TOGARAM1: variants seen among roughly 807,000 people sequenced by gnomAD.
TOGARAM1 encodes TOG array regulator of axonemal microtubules 1, also known as TOG array regulator of axonemal microtubules protein 1.
In TOGARAM1, 100 loss-of-function variants were observed where a neutral mutation model predicts 166.6. The observed-to-expected ratio is 0.60, with a 90% CI of 0.51 to 0.71. The LOEUF (loss-of-function observed/expected upper bound fraction) is 0.71, where lower values mean the gene tolerates loss of function less well. Among genes scored for constraint, TOGARAM1 ranks in the 30% least tolerant of loss-of-function variants. The pLI is 0.00. For missense variants in TOGARAM1, 2,029 were observed against 2,102.7 expected (o/e 0.96, Z 0.69); for synonymous variants, 758 against 763.8 (o/e 0.99, Z 0.13).
At chr14:45,003,584 A>T (rs1000198348) in intron 3 of TOGARAM1, among the ~76,000 whole-genome samples, 2 of 152,118 alleles carry the variant, frequency 1.3e-5, no homozygotes, top group African/African-American at 4.8e-5. Flanking sequence ...ATACATCAAG[A>T]TAGGTTGAGA....
At chr14:45,042,585 A>T (rs1330642828) in intron 11 of TOGARAM1, among the ~76,000 whole-genome samples, 1 of 152,172 alleles carries the variant, frequency 6.6e-6, no homozygotes, top group African/African-American at 2.4e-5. Flanking sequence ...TTATAATTGT[A>T]TAAGGTACAC....
chr14:44,979,476 T>G (rs1474139172), intron 1 of TOGARAM1, among the ~76,000 whole-genome samples: 1 of 152,050 alleles, frequency 6.6e-6, no homozygotes, highest in Non-Finnish European at 1.5e-5. Flanking sequence ...CCTAATCACC[T>G]CCCAAAGGCC....
intron 14 of TOGARAM1, among the ~76,000 whole-genome samples, chr14:45,052,097 C>T (rs943171086): frequency 6.6e-6 from 1 of 152,178 alleles, no homozygotes; most frequent in Non-Finnish European, 1.5e-5. Context: ...CTGTGGCTCG[C>T]TGCTGCTGCC....
chr14:44,988,781 C>G (rs916865897), intron 1 of TOGARAM1, among the ~76,000 whole-genome samples: 1 of 152,166 alleles, frequency 6.6e-6, no homozygotes, highest in African/African-American at 2.4e-5. Flanking sequence ...ATGTCAGTTG[C>G]TCTCGCTCAC....
In TOGARAM1 at chr14:44,962,439, C is replaced by T. The variant is rs755856709; in HGVS notation, c.18C>T (p.Ser6=). MAAAP[S]ALLLLPPFPV... ...AACCCTGCATGGCGGCTGCCCCCTC[C>T]GCGCTGCTTCTGCTGCCGCCCTTTC... The change falls in exon 1 of 20, where the codon TCC becomes TCT. Residue 6 remains serine, a synonymous_variant. Coordinates refer to ENST00000361462, the MANE Select transcript of TOGARAM1 (RefSeq NM_001308120.2). 5 of 1,568,270 alleles carry T rather than the reference C, an allele frequency of 3.2e-6. No homozygotes were observed. Among genetic ancestry groups the T allele is most frequent in the East Asian group, 2.2e-5 (1 of 44,512 alleles).
At chr14:45,016,550 C>G (rs1880152037) in intron 7 of TOGARAM1, among the ~76,000 whole-genome samples, 1 of 152,130 alleles carries the variant, frequency 6.6e-6, no homozygotes, top group African/African-American at 2.4e-5. Flanking sequence ...CGGCCCACAC[C>G]CAGTGAATTT....
chr14:45,043,173 C>CT (rs1324875473), intron 11 of TOGARAM1, among the ~76,000 whole-genome samples: 1 of 151,576 alleles, frequency 6.6e-6, no homozygotes, highest in Non-Finnish European at 1.5e-5. Flanking sequence ...TCACATTGCA[C>CT]TTTTATTTTT....
chr14:45,003,111 T>C (rs1269939918), intron 3 of TOGARAM1, among the ~76,000 whole-genome samples: 1 of 152,200 alleles, frequency 6.6e-6, no homozygotes, highest in Non-Finnish European at 1.5e-5. Flanking sequence ...TATATGTAAA[T>C]CTGTGACTAA....
intron 7 of TOGARAM1, among the ~76,000 whole-genome samples, chr14:45,021,668 C>T (rs146213824): frequency 6.6e-6 from 1 of 152,264 alleles, no homozygotes; most frequent in East Asian, 1.9e-4. Context: ...CCACTCCAGC[C>T]ACTTTAACCG....
chr14:45,043,668 C>T lies in TOGARAM1; in HGVS notation c.3813-18C>T. The T allele has an allele frequency of 7.3e-7, 1 of 1,369,466 alleles. No homozygotes were observed. The highest frequency in any genetic ancestry group is 1.0e-6 in the Non-Finnish European group (1 of 957,226). The allele number at this position is 1,369,466 out of a possible 1,614,324, so 84.8% of individuals were successfully genotyped here. A position where few individuals can be genotyped will look rare whatever the true frequency, so the allele number is the denominator to read the frequency against. ...AGTCCCATTTAACGAATGATCTTGT[C>T]ATTTCTTTTTCTCATAGGGAGAAGA... On this transcript the variant is annotated intron_variant, in intron 11 of 19. Coordinates refer to ENST00000361462, the MANE Select transcript of TOGARAM1 (RefSeq NM_001308120.2).
At position 45,052,457 on chromosome 14, in the gene TOGARAM1, G is replaced by A. The variant is rs373438129; in HGVS notation, c.4335G>A (p.Leu1445=). 3 of 1,612,142 alleles carry A rather than the reference G, an allele frequency of 1.9e-6. No homozygotes were observed. The highest frequency in any genetic ancestry group is 1.7e-4 in the Middle Eastern group (1 of 5,914). The part of the protein sequence containing the change: ...QETRYYGRKM[L]FFMMCHPNFE... ...ACAGGTATTATGGTCGAAAGATGCTGTTCTTCATGATGTGTCATCCTAACT... is the reference window on the plus strand; with the variant it reads ...ACAGGTATTATGGTCGAAAGATGCTATTCTTCATGATGTGTCATCCTAACT... The change falls in exon 15 of 20, where the codon CTG becomes CTA. Residue 1445 remains leucine, a synonymous_variant. Transcript: ENST00000361462.
intron 8 of TOGARAM1, among the ~76,000 whole-genome samples, chr14:45,027,050 CCTTTT>C (rs1460376968): frequency 6.6e-6 from 1 of 152,046 alleles, no homozygotes; most frequent in East Asian, 1.9e-4. Context: ...CTCACAGCAA[CCTTTT>C]CTTTATGTGT....
chr14:44,971,303 T>C (rs1175524995), intron 1 of TOGARAM1, among the ~76,000 whole-genome samples: 2 of 152,326 alleles, frequency 1.3e-5, no homozygotes, highest in South Asian at 2.1e-4. Flanking sequence ...TTTCAAGGAA[T>C]TGATCCATTT....
rs535097360 is a variant in TOGARAM1 at position 45,007,862 on chromosome 14, T to TTG, written c.2905-1041_2905-1040dup. 2.1e-4 allele frequency: 32 copies of TTG among 152,272 alleles called. No individual in the cohort carries two copies. The East Asian group carries it at 6.0e-3, about 28-fold the overall frequency. The allele number at this position is 152,272 out of a possible 1,614,324, so 9.4% of individuals were successfully genotyped here. A position where few individuals can be genotyped will look rare whatever the true frequency, so the allele number is the denominator to read the frequency against. ...AGTCAACATCTATTATGTTTTTTGTTTGTGTGTGTGTTTGTTTTTACAGAA... is the reference window on the plus strand; with the variant it reads ...AGTCAACATCTATTATGTTTTTTGTTTGTGTGTGTGTGTTTGTTTTTACAGAA... On this transcript the variant is annotated intron_variant, in intron 5 of 19. Transcript: ENST00000361462.
chr14:44,982,775 G>A (rs1411199595), intron 1 of TOGARAM1, among the ~76,000 whole-genome samples: 1 of 152,154 alleles, frequency 6.6e-6, no homozygotes, highest in African/African-American at 2.4e-5. Context: ...CACTGCCGTA[G>A]GATTTTTGCC....
At chr14:45,012,903 A>G (rs1386695489) in intron 7 of TOGARAM1, among the ~76,000 whole-genome samples, 1 of 152,100 alleles carries the variant, frequency 6.6e-6, no homozygotes, top group African/African-American at 2.4e-5. Context: ...TTCCTCATTT[A>G]TTACCTACTT....
intron 10 of TOGARAM1, among the ~76,000 whole-genome samples, chr14:45,028,677 G>C (rs1031826693): frequency 6.6e-6 from 1 of 152,112 alleles, no homozygotes; most frequent in African/African-American, 2.4e-5. Context: ...CATTGCATTT[G>C]TCATTTATTC....
chr14:45,043,103 A>G (rs1405461657), intron 11 of TOGARAM1, among the ~76,000 whole-genome samples: 2 of 151,962 alleles, frequency 1.3e-5, no homozygotes, highest in African/African-American at 2.4e-5. Flanking sequence ...ACTTGTATCT[A>G]TTACCTTACC....
chr14:45,059,459 G>A (rs986736269), intron 16 of TOGARAM1, among the ~76,000 whole-genome samples: 2 of 152,110 alleles, frequency 1.3e-5, no homozygotes, highest in Non-Finnish European at 2.9e-5. Flanking sequence ...ACCAGCCTAG[G>A]CAACATGGAG....
Sources: gnomAD v4.1 joint callset for allele counts (sites outside exome capture counted in the v4.1 genomes callset) on GRCh38, gnomAD v4.1.1 for gene constraint, MANE v1.5 for transcripts, NCBI Gene and HGNC (gene_info 2026-07-23, HGNC 2026-07-21) for gene names.